MAF: variants seen among roughly 807,000 people sequenced by gnomAD.
MAF encodes the protein transcription factor Maf.
Under a neutral mutation model 22.0 loss-of-function variants are expected in MAF, and 10 were observed. The ratio of observed to expected loss-of-function variants is 0.45; its 90% CI spans 0.28 to 0.77. MAF has a LOEUF of 0.77. Among genes scored for constraint, MAF ranks in the 30% least tolerant of loss-of-function variants. The pLI is 0.12. For synonymous variants in MAF, 337 were observed against 255.8 expected, an observed-to-expected ratio of 1.32 and a Z score of -3.03; for missense variants, 544 against 548.4, an observed-to-expected ratio of 0.99 and a Z score of 0.08.
At chr16:79,211,325 C>T in the MAF span, among the ~76,000 whole-genome samples, 3 of 152,270 alleles carry the variant, frequency 2.0e-5, no homozygotes, top group South Asian at 2.1e-4. Context: ...GCGCCTGCCA[C>T]GACGTATTGA....
the MAF span, among the ~76,000 whole-genome samples, chr16:79,284,432 C>T: frequency 6.6e-6 from 1 of 152,290 alleles, no homozygotes; most frequent in Admixed American, 6.5e-5. Flanking sequence ...CAACTATATG[C>T]TGGGCCTAAA....
the MAF span, among the ~76,000 whole-genome samples, chr16:79,469,797 G>A: frequency 4.6e-3 from 693 of 152,016 alleles, 2 homozygotes; most frequent in South Asian, 0.021. Flanking sequence ...GGGTTTCACA[G>A]TGTTGGTCAG....
At chr16:79,278,603 G>A in the MAF span, among the ~76,000 whole-genome samples, 10 of 152,100 alleles carry the variant, frequency 6.6e-5, no homozygotes, top group South Asian at 2.1e-4. Context: ...TGCTTTTTCC[G>A]TGTCTGTGTC....
chr16:79,374,161 T>G, the MAF span, among the ~76,000 whole-genome samples: 6 of 152,348 alleles, frequency 3.9e-5, no homozygotes, highest in South Asian at 1.2e-3. Context: ...GCAATCCCGG[T>G]TGGTGCTTAC....
the MAF span, among the ~76,000 whole-genome samples, chr16:79,285,313 C>G: frequency 6.6e-6 from 1 of 152,146 alleles, no homozygotes; most frequent in African/African-American, 2.4e-5. Context: ...ATATACGGCC[C>G]CGCTTTCCTT....
chr16:79,543,844 G>A, the MAF span, among the ~76,000 whole-genome samples: 3 of 152,048 alleles, frequency 2.0e-5, no homozygotes, highest in Non-Finnish European at 2.9e-5. Context: ...CTACCACCGC[G>A]CCCGGCTAAT....
the MAF span, among the ~76,000 whole-genome samples, chr16:79,420,726 G>A: frequency 6.6e-6 from 1 of 152,204 alleles, no homozygotes; most frequent in Admixed American, 6.5e-5. Flanking sequence ...ATAAGTGACT[G>A]CAGTACAATA....
chr16:79,329,371 G>C, the MAF span, among the ~76,000 whole-genome samples: 1 of 152,130 alleles, frequency 6.6e-6, no homozygotes, highest in Admixed American at 6.6e-5. Flanking sequence ...CTTCCAGAAA[G>C]CTTTATATAG....
the MAF span, among the ~76,000 whole-genome samples, chr16:79,230,011 G>C: frequency 6.6e-6 from 1 of 150,808 alleles, no homozygotes. Context: ...GAAAAAAAAA[G>C]AATAAAAGCA....
chr16:79,558,063 C>A, the MAF span, among the ~76,000 whole-genome samples: 2 of 151,800 alleles, frequency 1.3e-5, no homozygotes, highest in African/African-American at 4.9e-5. Context: ...TGACACCTGT[C>A]CTGGAAACTG....
chr16:79,415,624 G>A, the MAF span, among the ~76,000 whole-genome samples: 3 of 152,100 alleles, frequency 2.0e-5, no homozygotes, highest in African/African-American at 7.2e-5. Flanking sequence ...AAAGCAGCTT[G>A]CATCCTATGG....
the MAF span, among the ~76,000 whole-genome samples, chr16:79,381,302 G>A: frequency 6.6e-6 from 1 of 152,234 alleles, no homozygotes; most frequent in African/African-American, 2.4e-5. Context: ...ATGCATTTCT[G>A]TGAGAGTAAA....
At chr16:79,313,411 G>T in the MAF span, among the ~76,000 whole-genome samples, 1 of 152,186 alleles carries the variant, frequency 6.6e-6, no homozygotes, top group Non-Finnish European at 1.5e-5. Context: ...TAAAAGGCCA[G>T]TCATGACCAG....
the MAF span, among the ~76,000 whole-genome samples, chr16:79,272,434 C>T: frequency 6.6e-6 from 1 of 152,196 alleles, no homozygotes; most frequent in Non-Finnish European, 1.5e-5. Context: ...AGGCCCTGTG[C>T]GTGTGACTCT....
chr16:79,265,149 T>G, the MAF span, among the ~76,000 whole-genome samples: 1 of 152,244 alleles, frequency 6.6e-6, no homozygotes, highest in African/African-American at 2.4e-5. Flanking sequence ...TAAATGGAAG[T>G]CATTATTATT....
chr16:79,557,996 A>G, the MAF span, among the ~76,000 whole-genome samples: 2 of 151,918 alleles, frequency 1.3e-5, no homozygotes, highest in Non-Finnish European at 2.9e-5. Flanking sequence ...AGCCACCAAG[A>G]AAATGGTTCA....
In MAF at chr16:79,594,264, C is replaced by A. The variant is rs975542011; in HGVS notation, c.*196G>T. 6 of 585,434 alleles carry A rather than the reference C, an allele frequency of 1.0e-5. No individual in the cohort carries two copies. Among genetic ancestry groups the A allele is most frequent in the Admixed American group, 2.8e-5 (1 of 35,758 alleles). 36.3% of individuals were successfully genotyped at this position (585,434 alleles called of 1,614,324 possible). The stretch of plus-strand genomic sequence containing the variant: ...CACCATAAATCGAAAAGCAGGAGTG[C>A]GCTTTCCTACCGGTCTCTATGAAAC... On this transcript the variant is annotated 3_prime_UTR_variant, in exon 2 of 2. Coordinates refer to ENST00000326043, the MANE Select transcript of MAF (RefSeq NM_005360.5).
At chr16:79,369,569 A>G in the MAF span, among the ~76,000 whole-genome samples, 2 of 151,904 alleles carry the variant, frequency 1.3e-5, no homozygotes, top group Admixed American at 6.6e-5. Context: ...CTTTTTCTTT[A>G]TTTTTCCTGC....
At chr16:79,486,536 C>T in the MAF span, among the ~76,000 whole-genome samples, 1 of 152,122 alleles carries the variant, frequency 6.6e-6, no homozygotes, top group East Asian at 1.9e-4. Context: ...GAAATAAGTT[C>T]TGTGAGACAA....
Sources: allele counts gnomAD v4.1 joint callset (sites outside exome capture counted in the v4.1 genomes callset), GRCh38; gene constraint gnomAD v4.1.1; transcripts MANE v1.5; gene names NCBI Gene and HGNC (gene_info 2026-07-23, HGNC 2026-07-21).